The following CCDC6 variants were observed in gnomAD, a reference collection of about 807,000 sequenced individuals.
CCDC6 encodes the protein coiled-coil domain-containing protein 6.
Under a neutral mutation model 56.6 loss-of-function variants are expected in CCDC6, and 20 were observed. The ratio of observed to expected loss-of-function variants is 0.35; its 90% CI spans 0.25 to 0.51. The LOEUF is 0.51. Ranked by LOEUF, CCDC6 falls within the 20% of genes least tolerant of loss-of-function variation. The probability of loss-of-function intolerance (pLI) is 0.95; values close to 1 mark genes in which losing one functional copy is unlikely to be tolerated. For synonymous variants in CCDC6, 241 were observed against 234.4 expected (o/e 1.03, Z -0.26); for missense variants, 367 against 601.1 (o/e 0.61, Z 4.07).
At chr10:59,797,612 A>AAAAAG (rs2070533024) in intron 7 of CCDC6, among the ~76,000 whole-genome samples, 4 of 146,608 alleles carry the variant, frequency 2.7e-5, no homozygotes, top group African/African-American at 1.0e-4. Context: ...AAAAAAAAAA[A>AAAAAG]AAAAAATCAA....
At chr10:59,881,538 A>G (rs1004438777) in intron 1 of CCDC6, among the ~76,000 whole-genome samples, 1 of 152,150 alleles carries the variant, frequency 6.6e-6, no homozygotes, top group Admixed American at 6.5e-5. Flanking sequence ...TAATACATGA[A>G]TTCATTCTAA....
intron 1 of CCDC6, among the ~76,000 whole-genome samples, chr10:59,885,897 A>C: frequency 7.2e-6 from 1 of 138,812 alleles, no homozygotes; most frequent in African/African-American, 2.8e-5. Flanking sequence ...CAGTTGTCTG[A>C]TGTCTATTTC....
chr10:59,808,788 C>G (rs2070648806), intron 5 of CCDC6, among the ~76,000 whole-genome samples: 1 of 152,168 alleles, frequency 6.6e-6, no homozygotes, highest in African/African-American at 2.4e-5. Flanking sequence ...AGCAACTCTA[C>G]AAAGGTCTGG....
chr10:59,847,817 CTTTTTTTTTT>C lies in CCDC6; in HGVS notation c.453+4726_453+4735del, dbSNP rs757902015. 5.3e-4 allele frequency among the ~76,000 whole-genome samples: 56 copies of C among 104,846 alleles called. 1 individual carries two copies. Among genetic ancestry groups the C allele is most frequent in the African/African-American group, 2.1e-3 (55 of 25,744 alleles). 68.8% of individuals were successfully genotyped at this position (104,846 alleles called of 152,430 possible). A position where few individuals can be genotyped will look rare whatever the true frequency, so the allele number is the denominator to read the frequency against. ...ACATTCTGGAGAATAGCCTTTTAGA[CTTTTTTTTTT>C]TTTTTTTTTTTTTTACCCCTAATGT... On this transcript the variant is annotated intron_variant, in intron 2 of 8. Transcript: ENST00000263102.
chr10:59,826,165 G>T (rs2070786434), intron 3 of CCDC6, among the ~76,000 whole-genome samples: 3 of 152,136 alleles, frequency 2.0e-5, no homozygotes, highest in Admixed American at 2.0e-4. Context: ...GTAAAGACAA[G>T]CCTAAACCCT....
intron 1 of CCDC6, among the ~76,000 whole-genome samples, chr10:59,902,109 G>C (rs531402941): frequency 6.6e-6 from 1 of 152,142 alleles, no homozygotes; most frequent in African/African-American, 2.4e-5. Context: ...TTGTGGACAC[G>C]ACTGAAAGAC....
At chr10:59,831,459 C>T (rs150272886) in intron 3 of CCDC6, among the ~76,000 whole-genome samples, 139 of 152,258 alleles carry the variant, frequency 9.1e-4, no homozygotes, top group African/African-American at 2.9e-3. Flanking sequence ...AATATTCAAA[C>T]GAGAGCGGTC....
intron 3 of CCDC6, among the ~76,000 whole-genome samples, chr10:59,822,586 T>G (rs1485783039): frequency 6.6e-6 from 1 of 152,132 alleles, no homozygotes; most frequent in African/African-American, 2.4e-5. Context: ...GTGGCTACCA[T>G]CAGACTATTA....
chr10:59,790,569 G>A lies in CCDC6; in HGVS notation c.*2348C>T, dbSNP rs1189655293. 4.5e-6 allele frequency: 1 copy of A among 221,382 alleles called. No individual in the cohort carries two copies. Among genetic ancestry groups the A allele is most frequent in the Non-Finnish European group, 9.0e-6 (1 of 110,612 alleles). The allele number at this position is 221,382 out of a possible 1,614,324, so 13.7% of individuals were successfully genotyped here. On this transcript the variant is annotated 3_prime_UTR_variant, in exon 9 of 9. Transcript: ENST00000263102. ...GCATAGGTCCTCAAACACTTTAAAG[G>A]ACACGAACCATCAAATTCAAAAGAG... is the stretch of plus-strand genomic sequence containing the variant.
At chr10:59,821,404 A>G (rs1443556997) in intron 3 of CCDC6, among the ~76,000 whole-genome samples, 1 of 152,204 alleles carries the variant, frequency 6.6e-6, no homozygotes, top group African/African-American at 2.4e-5. Flanking sequence ...TGATCAGTGG[A>G]ATTTTGCTCA....
intron 6 of CCDC6, among the ~76,000 whole-genome samples, chr10:59,806,114 A>G (rs2070620323): frequency 2.0e-5 from 3 of 152,246 alleles, no homozygotes; most frequent in Admixed American, 1.3e-4. Flanking sequence ...TCGCTGATCC[A>G]GAATGGAGAA....
intron 1 of CCDC6, among the ~76,000 whole-genome samples, chr10:59,902,119 C>T (rs989611460): frequency 2.0e-5 from 3 of 152,160 alleles, no homozygotes; most frequent in Admixed American, 6.5e-5. Context: ...GACTGAAAGA[C>T]TGCTTACTGT....
chr10:59,905,868 A>C (rs894509383), intron 1 of CCDC6, among the ~76,000 whole-genome samples: 1 of 152,116 alleles, frequency 6.6e-6, no homozygotes, highest in African/African-American at 2.4e-5. Flanking sequence ...GCTAAAAGGG[A>C]CCATGAATGG....
At position 59,841,864 on chromosome 10, in the gene CCDC6, TCAC is replaced by T. The variant is rs1303042840; in HGVS notation, c.454-9214_454-9212del. On this transcript the variant is annotated intron_variant, in intron 2 of 8. Transcript: ENST00000263102. ...TTGTAATTTTAGTAGAGATGGGGTTTCACCACGTTAGCCAGGACGGTCTCGATC... is the reference window on the plus strand; with the variant it reads ...TTGTAATTTTAGTAGAGATGGGGTTTCACGTTAGCCAGGACGGTCTCGATC... Among the ~76,000 whole-genome samples the T allele has an allele frequency of 4.0e-5, 6 of 151,696 alleles. No individual in the cohort carries two copies. The East Asian group carries it at 1.2e-3, about 30-fold the overall frequency.
At chr10:59,801,424 T>G (rs913003042) in intron 7 of CCDC6, among the ~76,000 whole-genome samples, 4 of 152,232 alleles carry the variant, frequency 2.6e-5, no homozygotes, top group African/African-American at 9.6e-5. Context: ...TCTCCACTCC[T>G]AATTGTACTT....
chr10:59,822,380 A>AAT (rs200563444), intron 3 of CCDC6, among the ~76,000 whole-genome samples: 1 of 152,058 alleles, frequency 6.6e-6, no homozygotes, highest in Non-Finnish European at 1.5e-5. Context: ...CATCACTTTA[A>AAT]CATCAACATA....
chr10:59,848,481 C>T (rs746258366), intron 2 of CCDC6, among the ~76,000 whole-genome samples: 1 of 152,138 alleles, frequency 6.6e-6, no homozygotes, highest in Non-Finnish European at 1.5e-5. Flanking sequence ...GAGTTCAAGA[C>T]CAGCCTGGCC....
chr10:59,857,042 T>C (rs1021642571), intron 1 of CCDC6, among the ~76,000 whole-genome samples: 3 of 152,200 alleles, frequency 2.0e-5, no homozygotes, highest in African/African-American at 7.2e-5. Flanking sequence ...ATAATCATAA[T>C]CAATTATTTG....
At chr10:59,828,036 T>C (rs1310298460) in intron 3 of CCDC6, among the ~76,000 whole-genome samples, 2 of 152,224 alleles carry the variant, frequency 1.3e-5, no homozygotes, top group African/African-American at 4.8e-5. Flanking sequence ...CTTCACTTAT[T>C]ATATAAACTA....
Sources: allele counts gnomAD v4.1 joint callset (sites outside exome capture counted in the v4.1 genomes callset), GRCh38; gene constraint gnomAD v4.1.1; transcripts MANE v1.5; gene names NCBI Gene and HGNC (gene_info 2026-07-23, HGNC 2026-07-21).